The following TRANK1 variants were observed in gnomAD, a reference collection of about 807,000 sequenced individuals.
TRANK1 encodes TPR and ankyrin repeat-containing protein 1.
In TRANK1, 198 loss-of-function variants were observed where a neutral mutation model predicts 266.0. The ratio of observed to expected loss-of-function variants is 0.74; its 90% CI spans 0.66 to 0.84. The LOEUF (loss-of-function observed/expected upper bound fraction) is 0.84, where lower values mean the gene tolerates loss of function less well. TRANK1 is among the 40% of genes least tolerant of loss of function. The pLI is 0.00. For synonymous variants in TRANK1, 1,396 were observed against 1,384.1 expected, an observed-to-expected ratio of 1.01 and a Z score of -0.19; for missense variants, 3,326 against 3,634.6, an observed-to-expected ratio of 0.92 and a Z score of 2.18.
At position 36,832,944 on chromosome 3, in the gene TRANK1, C is replaced by T. The variant is rs534859462; in HGVS notation, c.6639G>A (p.Leu2213=). 3.1e-6 allele frequency: 5 copies of T among 1,612,766 alleles called. No individual in the cohort carries two copies. In the African/African-American group the frequency reaches 4.0e-5, roughly 13 times the overall value. ...DENCEHFHRP[L]RRCEAKCLVQ... is the part of the protein sequence containing the mutation. ...CTAAACACTTGGCTTCACAACGCCG[C>T]AGAGGCCTGTGAAAATGTTCACAGT... The change falls in exon 22 of 24, where the codon CTG becomes CTA. Residue 2213 remains leucine, a synonymous_variant. Coordinates refer to ENST00000645898, the MANE Select transcript of TRANK1 (RefSeq NM_001329998.2).
chr3:36,837,790 G>C (rs2078790071), intron 20 of TRANK1, among the ~76,000 whole-genome samples: 2 of 152,232 alleles, frequency 1.3e-5, no homozygotes, highest in Non-Finnish European at 2.9e-5. Context: ...CAGACTAGCA[G>C]CTCTGTCCAA....
chr3:36,843,387 C>T (rs1160114312), intron 17 of TRANK1, among the ~76,000 whole-genome samples: 1 of 152,140 alleles, frequency 6.6e-6, no homozygotes, highest in African/African-American at 2.4e-5. Context: ...AGCAAGCTCC[C>T]AGGCCAGGGC....
chr3:36,933,441 T>C (rs1267462387), intron 1 of TRANK1, among the ~76,000 whole-genome samples: 2 of 152,244 alleles, frequency 1.3e-5, no homozygotes, highest in Non-Finnish European at 2.9e-5. Context: ...AAAAGTGAGA[T>C]GATTGGACTA....
At chr3:36,846,504 A>C (rs773195454) in intron 16 of TRANK1, 100 bp from the exon 17 acceptor site, 4 of 1,252,150 alleles carry the variant, frequency 3.2e-6, no homozygotes, top group Non-Finnish European at 4.4e-6. Context: ...AAACACAAAA[A>C]CTAAATTTTA....
In TRANK1 at chr3:36,829,657, C is replaced by A; in HGVS notation, c.8716G>T (p.Glu2906Ter). 1 of 1,613,708 alleles carries A rather than the reference C, an allele frequency of 6.2e-7. No individual in the cohort carries two copies. The highest frequency in any genetic ancestry group is 8.5e-7 in the Non-Finnish European group (1 of 1,179,888). Residue 2906 changes from glutamate (E) to a stop codon, truncating the protein, a stop_gained, in exon 23 of 24, where the codon GAG (glutamate) becomes TAG (stop). Coordinates refer to ENST00000645898, the MANE Select transcript of TRANK1 (RefSeq NM_001329998.2). LOFTEE classifies it high-confidence loss of function. ...ATGTTGACCAGCCGAGTCATCGCCT[C>A]CTCCGCTTCAGAAACCAAAGAACAT... is the stretch of plus-strand genomic sequence containing the variant. The part of the protein sequence containing the change: ...YRRKAWAGAE[E>*]AMTRLVNILI...
intron 1 of TRANK1, 108 bp downstream of exon 1, chr3:36,944,679 G>C (rs969088076): frequency 3.7e-6 from 5 of 1,341,724 alleles, no homozygotes; most frequent in Non-Finnish European, 2.0e-6. Context: ...GGCCCGTTCG[G>C]CCGCTACCTC....
rs760763980 is a variant in TRANK1, at chr3:36,895,616, T to C, written c.552+24A>G. On this transcript the variant is annotated intron_variant, in intron 5 of 23. Coordinates refer to ENST00000645898, the MANE Select transcript of TRANK1 (RefSeq NM_001329998.2). ...TTTCATCAAGAATGTACTCTCCCCG[T>C]GAGAGCCATCTCCTTTTACTTACAT... is the stretch of plus-strand genomic sequence containing the variant. 24 of 1,404,642 alleles carry C rather than the reference T, an allele frequency of 1.7e-5. No individual in the cohort carries two copies. In the African/African-American group the frequency reaches 3.2e-4, roughly 18 times the overall value. 87.0% of individuals were successfully genotyped at this position (1,404,642 alleles called of 1,614,324 possible).
At chr3:36,906,596 CGA>C (rs2079971939) in intron 2 of TRANK1, among the ~76,000 whole-genome samples, 1 of 152,026 alleles carries the variant, frequency 6.6e-6, no homozygotes, top group African/African-American at 2.4e-5. Context: ...TCCCTATGAT[CGA>C]GAGAGACAGA....
intron 21 of TRANK1, 160 bp downstream of exon 21, chr3:36,834,602 A>G: frequency 2.8e-6 from 2 of 709,106 alleles, no homozygotes. Flanking sequence ...CCTGCTCTCA[A>G]AGAGCTGCTG....
rs2078637883 is a variant in TRANK1, at chr3:36,826,876, G to A, written c.*1399C>T. ...GATAATACAGCAAGATATTGTTGGGGTTTTCTTTTTTTCTGTCAAGTAAGA... is the reference window on the plus strand; with the variant it reads ...GATAATACAGCAAGATATTGTTGGGATTTTCTTTTTTTCTGTCAAGTAAGA... On this transcript the variant is annotated 3_prime_UTR_variant, in exon 24 of 24. Coordinates refer to ENST00000645898, the MANE Select transcript of TRANK1 (RefSeq NM_001329998.2). 6.6e-6 allele frequency: 1 copy of A among 151,878 alleles called. No homozygotes were observed. The highest frequency in any genetic ancestry group is 1.9e-4 in the East Asian group (1 of 5,180). The allele number at this position is 151,878 out of a possible 1,614,324, so 9.4% of individuals were successfully genotyped here.
chr3:36,935,226 G>A (rs975510745), intron 1 of TRANK1, among the ~76,000 whole-genome samples: 19 of 152,200 alleles, frequency 1.2e-4, no homozygotes, highest in Middle Eastern at 3.4e-3. Flanking sequence ...CCCACCCCGG[G>A]AGGGTGAGGG....
intron 1 of TRANK1, among the ~76,000 whole-genome samples, chr3:36,924,398 G>C (rs1002789950): frequency 4.5e-4 from 68 of 152,164 alleles, no homozygotes; most frequent in African/African-American, 1.6e-3. Context: ...CCGCTCCCAA[G>C]CAGCATGTTT....
intron 20 of TRANK1, among the ~76,000 whole-genome samples, chr3:36,838,156 C>A (rs1159047389): frequency 6.6e-6 from 1 of 151,414 alleles, no homozygotes; most frequent in Non-Finnish European, 1.5e-5. Context: ...AACACACAAA[C>A]ACACACACAC....
chr3:36,848,722 G>T (rs142605927), intron 15 of TRANK1, among the ~76,000 whole-genome samples: 4 of 152,336 alleles, frequency 2.6e-5, no homozygotes, highest in Non-Finnish European at 4.4e-5. Context: ...TAGTTGGAAG[G>T]TTTAAAACAA....
chr3:36,863,183 C>T (rs1247142962), intron 10 of TRANK1, among the ~76,000 whole-genome samples: 2 of 152,062 alleles, frequency 1.3e-5, no homozygotes, highest in African/African-American at 2.4e-5. Flanking sequence ...AGAACCCACA[C>T]CAACACTCAC....
chr3:36,836,889 C>G (rs2078777571), intron 20 of TRANK1, among the ~76,000 whole-genome samples: 2 of 152,230 alleles, frequency 1.3e-5, no homozygotes, highest in South Asian at 4.1e-4. Flanking sequence ...CTATAGACCT[C>G]TTCACAGAGC....
Position 36,857,185 on chromosome 3 carries a change from A to T in TRANK1, c.2537T>A (p.Leu846Gln). The change falls in exon 13 of 24, where the codon CTG becomes CAG. Residue 846 changes from leucine to glutamine, a missense_variant. Coordinates refer to ENST00000645898, the MANE Select transcript of TRANK1 (RefSeq NM_001329998.2). This position sits in a 1 kb window ranked among gnomAD's most constrained non-coding sequence, Gnocchi z 4.3. ...GACCTTGGTCATTACCTTACTAGAC[A>T]GCTTCTTCAGCATTTCTGAAGTGCA... ...IECTSEMLKKLSSKVMTKVIK... is the reference protein window; with the variant it reads ...IECTSEMLKKQSSKVMTKVIK... 6.2e-7 allele frequency: 1 copy of T among 1,613,924 alleles called. No homozygotes were observed. The highest frequency in any genetic ancestry group is 8.5e-7 in the Non-Finnish European group (1 of 1,179,890).
chr3:36,945,454 A>G (rs1287401230), upstream of TRANK1, among the ~76,000 whole-genome samples: 4 of 152,144 alleles, frequency 2.6e-5, no homozygotes, highest in South Asian at 2.1e-4. Context: ...GCGAATATCA[A>G]GTACTTACTG....
In TRANK1 at chr3:36,847,337, C is replaced by T. The variant is rs2078929172; in HGVS notation, c.4897G>A (p.Glu1633Lys). The change falls in exon 16 of 24, where the codon GAA (glutamate) becomes AAA (lysine). Residue 1633 changes from glutamate to lysine, a missense_variant. Physicochemically the swap from Glu to Lys is moderately conservative, Grantham distance 56 (BLOSUM62 1). Coordinates refer to ENST00000645898, the MANE Select transcript of TRANK1 (RefSeq NM_001329998.2). ...NFFTDSEAYK[E>K]WKIISSFTPT... ...GTGAATGAGGAAATGATCTTCCATT[C>T]CTTATAAGCCTGAACAACAACAAAA... 1 of 1,613,252 alleles carries T rather than the reference C, an allele frequency of 6.2e-7. No individual in the cohort carries two copies. The highest frequency in any genetic ancestry group is 8.5e-7 in the Non-Finnish European group (1 of 1,179,652).
Sources: allele counts gnomAD v4.1 joint callset (sites outside exome capture counted in the v4.1 genomes callset), GRCh38; gene constraint gnomAD v4.1.1; non-coding constraint Gnocchi (gnomAD v3.1); transcripts MANE v1.5; gene names NCBI Gene and HGNC (gene_info 2026-07-23, HGNC 2026-07-21).